The following IMMT variants were observed in gnomAD, a reference collection of about 807,000 sequenced individuals.
IMMT encodes the protein MICOS complex subunit MIC60.
IMMT carries 40 observed loss-of-function variants against 92.7 expected under a neutral mutation model. That is an observed-to-expected ratio of 0.43 (90% CI 0.34 to 0.56). The LOEUF (loss-of-function observed/expected upper bound fraction) is 0.56, where lower values mean the gene tolerates loss of function less well. IMMT is among the 20% of genes least tolerant of loss of function. IMMT has a pLI of 0.03. For synonymous variants in IMMT, 322 were observed against 336.1 expected, an observed-to-expected ratio of 0.96 and a Z score of 0.46; for missense variants, 831 against 912.1, an observed-to-expected ratio of 0.91 and a Z score of 1.14.
At chr2:86,161,215 G>A (rs1676247237) in intron 8 of IMMT, among the ~76,000 whole-genome samples, 1 of 152,128 alleles carries the variant, frequency 6.6e-6, no homozygotes, top group Non-Finnish European at 1.5e-5. Context: ...AGGCTGGAGT[G>A]CAGTGGCACA....
At chr2:86,184,964 G>A (rs1215184774) in intron 1 of IMMT, among the ~76,000 whole-genome samples, 8 of 152,204 alleles carry the variant, frequency 5.3e-5, no homozygotes, top group African/African-American at 7.2e-5. Context: ...CGAAGCGGGC[G>A]GATCACAAGG....
chr2:86,152,795 T>C (rs1415897019), intron 11 of IMMT, among the ~76,000 whole-genome samples: 3 of 152,012 alleles, frequency 2.0e-5, no homozygotes, highest in Non-Finnish European at 4.4e-5. Context: ...CACTTCTTAG[T>C]CTTTTGGCTA....
chr2:86,157,804 G>GA (rs113355266), intron 10 of IMMT, among the ~76,000 whole-genome samples: 5,716 of 111,810 alleles, frequency 0.051, 172 homozygotes, highest in East Asian at 0.11. Context: ...AAAAAAAAAA[G>GA]AAAAAAAAAA....
At chr2:86,162,245 T>G (rs1224632048) in intron 7 of IMMT, among the ~76,000 whole-genome samples, 166 bp from the exon 8 acceptor site, 1 of 151,974 alleles carries the variant, frequency 6.6e-6, no homozygotes, top group Non-Finnish European at 1.5e-5. Context: ...TGTTCTTAAT[T>G]TAAGGCTTAT....
At chr2:86,167,946 TTTC>T (rs1676832822) in intron 6 of IMMT, among the ~76,000 whole-genome samples, 1 of 152,190 alleles carries the variant, frequency 6.6e-6, no homozygotes, top group African/African-American at 2.4e-5. Context: ...ATCCATCAGC[TTTC>T]TTCATTTTAA....
At chr2:86,158,493 G>T in intron 10 of IMMT, 99 bp downstream of exon 10, 1 of 970,628 alleles carries the variant, frequency 1.0e-6, no homozygotes, top group Non-Finnish European at 1.5e-6. Context: ...ATGCATGCAT[G>T]CCAGAGGGAT....
intron 11 of IMMT, among the ~76,000 whole-genome samples, chr2:86,152,198 T>G (rs1192126883): frequency 1.3e-5 from 2 of 152,020 alleles, no homozygotes; most frequent in Admixed American, 6.6e-5. Flanking sequence ...CCCAGCACTT[T>G]GGGAGGCCAA....
At chr2:86,146,286 G>C (rs1184003423) in intron 13 of IMMT, 89 bp from the exon 14 acceptor site, 2 of 1,123,524 alleles carry the variant, frequency 1.8e-6, no homozygotes, top group African/African-American at 1.5e-5. Flanking sequence ...ACTTGCTGAA[G>C]CAAAGAGGGC....
intron 3 of IMMT, among the ~76,000 whole-genome samples, chr2:86,178,558 G>A (rs763754142): frequency 2.1e-4 from 32 of 151,700 alleles, no homozygotes; most frequent in African/African-American, 4.6e-4. Context: ...CCCAGGAGGC[G>A]GAAGTTGCAG....
intron 6 of IMMT, among the ~76,000 whole-genome samples, chr2:86,167,448 C>G (rs1676777890): frequency 6.7e-6 from 1 of 149,580 alleles, no homozygotes; most frequent in African/African-American, 2.5e-5. Context: ...GCTGGGATTA[C>G]AGGCGTGAGC....
rs1675125418 is a variant in IMMT, at chr2:86,147,697, C to T, written c.1533+5G>A. ...GGTGTGGCTGAAGGGAGTCCAGGTC[C>T]TCACCTGCTCAAATTCAGACTTCAA... On this transcript the variant is annotated splice_donor_5th_base_variant and intron_variant, in intron 13 of 14. Coordinates refer to ENST00000410111, the MANE Select transcript of IMMT (RefSeq NM_006839.3). 22 of 1,612,416 alleles carry T rather than the reference C, an allele frequency of 1.4e-5. No homozygotes were observed. Among genetic ancestry groups the T allele is most frequent in the Non-Finnish European group, 1.8e-5 (21 of 1,179,188 alleles).
At chr2:86,167,625 C>T (rs1347148670) in intron 6 of IMMT, among the ~76,000 whole-genome samples, 1 of 151,854 alleles carries the variant, frequency 6.6e-6, no homozygotes, top group African/African-American at 2.4e-5. Flanking sequence ...GCTGGGACTA[C>T]AGGTGCCTGC....
intron 1 of IMMT, chr2:86,195,081 G>A: frequency 2.4e-6 from 1 of 421,322 alleles, no homozygotes; most frequent in Non-Finnish European, 4.4e-6. Context: ...GCGCGGCCCT[G>A]ATTGGACTAC....
At chr2:86,176,549 C>A (rs1186236300) in intron 3 of IMMT, among the ~76,000 whole-genome samples, 1 of 152,096 alleles carries the variant, frequency 6.6e-6, no homozygotes, top group African/African-American at 2.4e-5. Context: ...GGATAGCTAA[C>A]AAAATATGAG....
chr2:86,183,995 T>C (rs1672594453), intron 1 of IMMT, among the ~76,000 whole-genome samples: 1 of 152,186 alleles, frequency 6.6e-6, no homozygotes, highest in Non-Finnish European at 1.5e-5. Context: ...GGGTCTATTC[T>C]TAAAAGTAAA....
At chr2:86,177,527 G>A (rs1053240739) in intron 3 of IMMT, among the ~76,000 whole-genome samples, 1 of 152,076 alleles carries the variant, frequency 6.6e-6, no homozygotes, top group South Asian at 2.1e-4. Context: ...CCAGAACCCA[G>A]GAGGCAGAAG....
chr2:86,190,772 G>A (rs1374291118), intron 1 of IMMT, among the ~76,000 whole-genome samples: 1 of 152,074 alleles, frequency 6.6e-6, no homozygotes. Flanking sequence ...GGCAGATCAC[G>A]ACGTCAGGAG....
intron 6 of IMMT, among the ~76,000 whole-genome samples, chr2:86,170,007 TAG>T (rs1172174457): frequency 6.6e-6 from 1 of 152,222 alleles, no homozygotes; most frequent in East Asian, 1.9e-4. Flanking sequence ...AAAGCACTAC[TAG>T]AGAGTCCAGA....
chr2:86,185,361 T>C (rs998245585), intron 1 of IMMT, among the ~76,000 whole-genome samples: 8 of 152,178 alleles, frequency 5.3e-5, no homozygotes, highest in African/African-American at 1.7e-4. Flanking sequence ...AAACTGCTTA[T>C]TGTTTTCAAA....
Sources: allele counts gnomAD v4.1 joint callset (sites outside exome capture counted in the v4.1 genomes callset), GRCh38; gene constraint gnomAD v4.1.1; transcripts MANE v1.5; gene names NCBI Gene and HGNC (gene_info 2026-07-23, HGNC 2026-07-21).